CYRIB: variants seen among roughly 807,000 people sequenced by gnomAD.
CYRIB encodes the protein CYFIP-related Rac1 interactor B.
CYRIB carries 8 observed loss-of-function variants against 44.2 expected under a neutral mutation model. The observed-to-expected ratio is 0.18, with a 90% CI of 0.11 to 0.33. CYRIB has a LOEUF of 0.33. CYRIB is among the 10% of genes least tolerant of loss of function. The probability of loss-of-function intolerance (pLI) is 1.00; values close to 1 mark genes in which losing one functional copy is unlikely to be tolerated. For missense variants in CYRIB, 185 were observed against 382.8 expected (o/e 0.48, Z 4.31); for synonymous variants, 131 against 127.2 (o/e 1.03, Z -0.20).
At chr8:129,928,660 TA>T (rs879465964) in intron 1 of CYRIB, among the ~76,000 whole-genome samples, 168 of 137,488 alleles carry the variant, frequency 1.2e-3, no homozygotes, top group Middle Eastern at 3.7e-3. Context: ...ATCCTTTCTT[TA>T]AAAAAAAAAA....
At chr8:129,864,879 G>C in intron 4 of CYRIB, 1 of 396,186 alleles carries the variant, frequency 2.5e-6, no homozygotes, top group Admixed American at 2.9e-5. Context: ...TAAAGCTATA[G>C]AAGAAGTCCT....
At chr8:129,855,247 C>T (rs376983586) in intron 6 of CYRIB, among the ~76,000 whole-genome samples, 1 of 152,008 alleles carries the variant, frequency 6.6e-6, no homozygotes, top group South Asian at 2.1e-4. Flanking sequence ...AAAAATTAGC[C>T]AGGCGTGGTG....
intron 1 of CYRIB, among the ~76,000 whole-genome samples, chr8:129,917,300 C>G (rs1245071748): frequency 6.6e-6 from 1 of 152,176 alleles, no homozygotes; most frequent in African/African-American, 2.4e-5. Flanking sequence ...CATTCTATTT[C>G]CTGAAGACCT....
At chr8:129,990,518 GTGTGTA>G (rs1262560966) in intron 1 of CYRIB, among the ~76,000 whole-genome samples, 2 of 149,060 alleles carry the variant, frequency 1.3e-5, no homozygotes, top group African/African-American at 4.9e-5. Flanking sequence ...GTGTGTGTGT[GTGTGTA>G]TATATTTTTT....
At chr8:129,975,038 G>A (rs1046818935) in intron 1 of CYRIB, among the ~76,000 whole-genome samples, 14 of 151,952 alleles carry the variant, frequency 9.2e-5, no homozygotes, top group Admixed American at 8.5e-4. Context: ...CTGCCAGCAC[G>A]CCCAGCTAAT....
intron 1 of CYRIB, among the ~76,000 whole-genome samples, chr8:129,933,243 T>C (rs992453105): frequency 1.3e-5 from 2 of 152,182 alleles, no homozygotes; most frequent in Non-Finnish European, 2.9e-5. Flanking sequence ...CCACACTCCC[T>C]GATCCCTCTC....
At chr8:129,904,539 A>T (rs2074212354) in intron 1 of CYRIB, 1 of 152,176 alleles carries the variant, frequency 6.6e-6, no homozygotes, top group Admixed American at 6.5e-5. Flanking sequence ...CACTTGTTCC[A>T]GTCCTTCAAC....
At chr8:129,895,712 T>A (rs528955642) in intron 2 of CYRIB, among the ~76,000 whole-genome samples, 1 of 152,286 alleles carries the variant, frequency 6.6e-6, no homozygotes, top group African/African-American at 2.4e-5. Flanking sequence ...ATGTATTTAT[T>A]TATTTATGAA....
At chr8:129,929,457 AAACT>A (rs1045368854) in intron 1 of CYRIB, among the ~76,000 whole-genome samples, 39 of 152,352 alleles carry the variant, frequency 2.6e-4, no homozygotes, top group East Asian at 9.6e-4. Context: ...AAAGCTGAAT[AAACT>A]AACTAATAAT....
At chr8:130,012,635 GAAGAGAAAGACA>G (rs1444408501) in intron 1 of CYRIB, among the ~76,000 whole-genome samples, 2 of 152,162 alleles carry the variant, frequency 1.3e-5, no homozygotes, top group East Asian at 1.9e-4. Flanking sequence ...TTTGAAAGAT[GAAGAGAAAGACA>G]AAGAGAAAGG....
chr8:129,957,554 G>A (rs373621368), intron 2 of CYRIB, among the ~76,000 whole-genome samples: 1 of 152,012 alleles, frequency 6.6e-6, no homozygotes, highest in African/African-American at 2.4e-5. Context: ...TTTTATTGCC[G>A]GCACGATGGC....
At chr8:129,992,053 C>T (rs963614977) in intron 1 of CYRIB, among the ~76,000 whole-genome samples, 1 of 143,780 alleles carries the variant, frequency 7.0e-6, no homozygotes, top group Non-Finnish European at 1.5e-5. Flanking sequence ...TGGTGGTTCA[C>T]GCCCGTAATC....
intron 1 of CYRIB, among the ~76,000 whole-genome samples, chr8:129,920,643 T>C (rs2083069371): frequency 6.6e-6 from 1 of 152,164 alleles, no homozygotes; most frequent in Non-Finnish European, 1.5e-5. Context: ...CTGGAAAAGA[T>C]AAATAAAATT....
At chr8:129,940,172 CCT>C, upstream of CYRIB, among the ~76,000 whole-genome samples, 1 of 152,208 alleles carries the variant, frequency 6.6e-6, no homozygotes, top group East Asian at 1.9e-4. Context: ...CGGTGACCTG[CCT>C]CTTGTCAGCG....
At chr8:129,855,884 C>G (rs113763286) in intron 5 of CYRIB, 137 bp from the exon 8 acceptor site, 232 of 774,654 alleles carry the variant, frequency 3.0e-4, no homozygotes, top group Non-Finnish European at 4.1e-4. Flanking sequence ...CATAATAAAA[C>G]TAATTAAGAA....
intron 1 of CYRIB, among the ~76,000 whole-genome samples, chr8:129,921,469 G>A (rs2137137510): frequency 6.6e-6 from 1 of 152,246 alleles, no homozygotes; most frequent in East Asian, 1.9e-4. Flanking sequence ...ACCAAACCGA[G>A]ACCTTTTACA....
In CYRIB at chr8:129,901,301, C is replaced by T. The variant is rs543383214; in HGVS notation, c.-11+2011G>A. ...GCAGTGGTGAGATCTTTGCTCACTG[C>T]AACCTTCCAGGTTCAAGTGATTCTC... On this transcript the variant is annotated intron_variant, in intron 2 of 11. Transcript: ENST00000519824. Among the ~76,000 whole-genome samples, 33 of 152,224 alleles carry T rather than the reference C, an allele frequency of 2.2e-4. 1 individual carries two copies. The highest frequency in any genetic ancestry group is 7.5e-4 in the African/African-American group (31 of 41,546).
At chr8:129,877,565 C>T (rs543783849) in intron 3 of CYRIB, among the ~76,000 whole-genome samples, 10 of 151,762 alleles carry the variant, frequency 6.6e-5, no homozygotes, top group African/African-American at 2.2e-4. Flanking sequence ...GGGAGGATCC[C>T]TTGAGCCAGG....
At chr8:129,968,283 C>T (rs2095561808) in intron 2 of CYRIB, among the ~76,000 whole-genome samples, 1 of 152,224 alleles carries the variant, frequency 6.6e-6, no homozygotes, top group Admixed American at 6.5e-5. Flanking sequence ...TGTCATTTAA[C>T]TCTTTTGTTG....
Sources: allele counts gnomAD v4.1 joint callset (sites outside exome capture counted in the v4.1 genomes callset), GRCh38; gene constraint gnomAD v4.1.1; transcripts MANE v1.5; gene names NCBI Gene and HGNC (gene_info 2026-07-23, HGNC 2026-07-21).